Variants in NOTCH1 observed in about 807,000 individuals in gnomAD.
The protein encoded by NOTCH1 is neurogenic locus notch homolog protein 1.
NOTCH1 carries 37 observed loss-of-function variants against 254.8 expected under a neutral mutation model. The ratio of observed to expected loss-of-function variants is 0.15; its 90% CI spans 0.11 to 0.19. The LOEUF (loss-of-function observed/expected upper bound fraction) is 0.19. Ranked by LOEUF, NOTCH1 falls within the 10% of genes least tolerant of loss-of-function variation. The pLI is 1.00. For missense variants in NOTCH1, 2,972 were observed against 3,708.6 expected, an observed-to-expected ratio of 0.80 and a Z score of 5.16; for synonymous variants, 1,731 against 1,618.1, an observed-to-expected ratio of 1.07 and a Z score of -1.68.
intron 26 of NOTCH1, among the ~76,000 whole-genome samples, chr9:136,503,565 C>A (rs1843033681): frequency 6.6e-6 from 1 of 152,218 alleles, no homozygotes; most frequent in South Asian, 2.1e-4. Flanking sequence ...CACCAACGCG[C>A]TCTCCCTGGC....
In NOTCH1 at chr9:136,545,637, G is replaced by A; in HGVS notation, c.61+89C>T. The A allele has an allele frequency of 4.4e-6, 5 of 1,129,328 alleles. No individual in the cohort carries two copies. The highest frequency in any genetic ancestry group is 4.8e-6 in the Non-Finnish European group (4 of 831,604). 70.0% of individuals were successfully genotyped at this position (1,129,328 alleles called of 1,614,324 possible). A position where few individuals can be genotyped will look rare whatever the true frequency, so the allele number is the denominator to read the frequency against. On this transcript the variant is annotated intron_variant, in intron 1 of 33. Coordinates refer to ENST00000651671, the MANE Select transcript of NOTCH1 (RefSeq NM_017617.5). The surrounding 1 kb of genome is among the most constrained non-coding windows in gnomAD (Gnocchi z 6.8). ...CTCCATGCTGGCCTCCCCGCCGCCC[G>A]CTCCCAGCCGTGGGGCGCGCGCGCC...
intron 17 of NOTCH1, among the ~76,000 whole-genome samples, chr9:136,510,261 T>C (rs978872949): frequency 2.0e-5 from 3 of 152,196 alleles, no homozygotes; most frequent in African/African-American, 7.2e-5. Flanking sequence ...TGCCTCTGCC[T>C]GCCAGGTGAT....
chr9:136,533,076 C>T (rs1358813503), intron 2 of NOTCH1, among the ~76,000 whole-genome samples: 1 of 44,732 alleles, frequency 2.2e-5, no homozygotes, highest in African/African-American at 1.2e-4. Context: ...CTGAGCCCCG[C>T]CACCATGTGG....
chr9:136,498,637 G>A (rs1331822061), intron 33 of NOTCH1, among the ~76,000 whole-genome samples: 1 of 152,202 alleles, frequency 6.6e-6, no homozygotes, highest in Non-Finnish European at 1.5e-5. Flanking sequence ...CGCCCAGGAG[G>A]GTAGGGCTGG....
rs377353441 is a variant in NOTCH1, at chr9:136,511,236, G to A, written c.2503C>T (p.Pro835Ser). ...TCEVVLAPCA[P>S]SPCRNGGECR... ...TCCCCGCCGTTTCTGCAGGGGCTGG[G>A]GGCACACGGGGCCAGCACCACCTCA... The change falls in exon 16 of 34, where the codon CCC (proline) becomes TCC (serine). Residue 835 changes from proline (P) to serine (S), a missense_variant. By Grantham distance (74) the Pro-to-Ser change is moderately conservative (BLOSUM62 -1). Coordinates refer to ENST00000651671, the MANE Select transcript of NOTCH1 (RefSeq NM_017617.5). 7.4e-6 allele frequency: 12 copies of A among 1,612,468 alleles called. No homozygotes were observed. The African/African-American group carries it at 1.5e-4, about 20-fold the overall frequency.
chr9:136,512,300 G>A (rs894014791), intron 15 of NOTCH1, among the ~76,000 whole-genome samples: 2 of 152,198 alleles, frequency 1.3e-5, no homozygotes, highest in African/African-American at 2.4e-5. Flanking sequence ...AACCGCAGGC[G>A]TGGGACCTCC....
At chr9:136,535,517 TGG>T (rs1843634770) in intron 2 of NOTCH1, among the ~76,000 whole-genome samples, 1 of 22,038 alleles carries the variant, frequency 4.5e-5, no homozygotes, top group African/African-American at 3.1e-4. Flanking sequence ...TGGGAGTGGG[TGG>T]AGGGGGGAGC....
intron 2 of NOTCH1, among the ~76,000 whole-genome samples, chr9:136,525,314 C>T (rs192088149): frequency 6.6e-6 from 1 of 152,192 alleles, no homozygotes; most frequent in Admixed American, 6.5e-5. Context: ...CCTGCGGCAA[C>T]AGGCGCAGAG....
In NOTCH1 at chr9:136,508,998, C is replaced by A; in HGVS notation, c.3043G>T (p.Gly1015Cys). ...FTCLCPPGFT[G>C]SYCQHDVNEC... ...TTGACATCGTGCTGGCAGTAGCTGC[C>A]CGTGAAGCCGGGTGGACACAGGCAG... is the stretch of plus-strand genomic sequence containing the variant. Residue 1015 changes from glycine to cysteine, a missense_variant, in exon 19 of 34, where the codon GGC (glycine) becomes TGC (cysteine). By Grantham distance (159) the Gly-to-Cys change is radical. Coordinates refer to ENST00000651671, the MANE Select transcript of NOTCH1 (RefSeq NM_017617.5). The A allele has an allele frequency of 6.4e-7, 1 of 1,560,834 alleles. No homozygotes were observed. The highest frequency in any genetic ancestry group is 1.4e-5 in the African/African-American group (1 of 73,816).
Position 136,496,510 on chromosome 9 carries a change from G to A in NOTCH1, c.7229C>T (p.Pro2410Leu), listed in dbSNP as rs560981171. The change falls in exon 34 of 34, where the codon CCG becomes CTG. Residue 2410 changes from proline (P) to leucine (L), a missense_variant. By Grantham distance (98) the Pro-to-Leu change is moderately conservative. This residue lies in a region of NOTCH1 where 529 missense variants were observed against 529.2 expected (regional missense o/e 1.00). Coordinates refer to ENST00000651671, the MANE Select transcript of NOTCH1 (RefSeq NM_017617.5). Reference protein sequence around the residue: ...ANIQQQQSLQPPPPPPQPHLG... With the variant: ...ANIQQQQSLQLPPPPPQPHLG... ...GTGCGGCTGTGGTGGTGGTGGTGGC[G>A]GCTGCAGGCTTTGCTGCTGCTGGAT... The A allele has an allele frequency of 1.6e-5, 25 of 1,603,370 alleles. No individual in the cohort carries two copies. The highest frequency in any genetic ancestry group is 9.3e-5 in the African/African-American group (7 of 75,066).
chr9:136,538,590 G>A (rs866794074), intron 2 of NOTCH1, among the ~76,000 whole-genome samples: 1 of 152,240 alleles, frequency 6.6e-6, no homozygotes, highest in Non-Finnish European at 1.5e-5. Context: ...AAAGCCAGCC[G>A]CTCGTTAAAG....
chr9:136,519,915 C>T (rs3125010), intron 4 of NOTCH1, among the ~76,000 whole-genome samples: 61,207 of 152,128 alleles, frequency 0.4, 13,505 homozygotes, highest in East Asian at 0.85. Flanking sequence ...GGGGGCCGCA[C>T]ACCCCATCTT....
rs770260273 is a variant in NOTCH1, at chr9:136,511,183, G to A, written c.2556C>T (p.Ser852=). Residue 852 remains serine (S), a synonymous_variant, in exon 16 of 34, where the codon AGC becomes AGT. Coordinates refer to ENST00000651671, the MANE Select transcript of NOTCH1 (RefSeq NM_017617.5). ...GECRQSEDYE[S]FSCVCPTGWQ... The stretch of plus-strand genomic sequence containing the variant: ...AGCCCGTGGGGCAGACACAGGAGAA[G>A]CTCTCATAGTCCTCGGATTGCCTGC... 5 of 1,612,902 alleles carry A rather than the reference G, an allele frequency of 3.1e-6. No homozygotes were observed. Among genetic ancestry groups the A allele is most frequent in the Non-Finnish European group, 3.4e-6 (4 of 1,180,002 alleles).
chr9:136,537,309 G>A (rs980352923), intron 2 of NOTCH1, among the ~76,000 whole-genome samples: 3 of 152,178 alleles, frequency 2.0e-5, no homozygotes, highest in Admixed American at 6.5e-5. Flanking sequence ...TAGTCCACGC[G>A]TGACATGGAT....
At chr9:136,500,907 G>T (rs1357016060) in intron 30 of NOTCH1, 60 bp from the exon 31 acceptor site, 3 of 1,514,798 alleles carry the variant, frequency 2.0e-6, no homozygotes, top group Non-Finnish European at 2.6e-6. Context: ...CAGCCCAGGG[G>T]GAGGGGGGCA....
At chr9:136,530,831 G>A (rs1043005150) in intron 2 of NOTCH1, among the ~76,000 whole-genome samples, 2 of 152,198 alleles carry the variant, frequency 1.3e-5, no homozygotes, top group African/African-American at 4.8e-5. Flanking sequence ...CGATGGCTCA[G>A]AGGCAGGGAA....
chr9:136,521,977 CTTTTTT>C (rs60668167), intron 4 of NOTCH1, among the ~76,000 whole-genome samples: 5 of 141,056 alleles, frequency 3.5e-5, no homozygotes, highest in Non-Finnish European at 4.7e-5. Context: ...TTTCTCTTCA[CTTTTTT>C]TTTTTTTTTT....
intron 13 of NOTCH1, 56 bp downstream of exon 13, chr9:136,514,454 G>A (rs2133360127): frequency 2.0e-6 from 3 of 1,523,656 alleles, no homozygotes; most frequent in Non-Finnish European, 2.6e-6. Flanking sequence ...CCTCCTGGCA[G>A]CAGAGCTCCC....
At chr9:136,514,754 C>T (rs776308472) in intron 12 of NOTCH1, 52 bp from the exon 13 acceptor site, 16 of 1,553,906 alleles carry the variant, frequency 1.0e-5, no homozygotes, top group Non-Finnish European at 1.4e-5. Flanking sequence ...GGGGTCCCAC[C>T]CACGTCAACC....
Sources: gnomAD v4.1 joint callset for allele counts (sites outside exome capture counted in the v4.1 genomes callset) on GRCh38, gnomAD v4.1.1 for gene constraint, gnomAD v4.1.1 regional missense constraint, Gnocchi (gnomAD v3.1) non-coding constraint, MANE v1.5 for transcripts, NCBI Gene and HGNC (gene_info 2026-07-23, HGNC 2026-07-21) for gene names.